Variants in ABCC1 observed in about 807,000 individuals in gnomAD.
ABCC1 encodes ATP binding cassette subfamily C member 1 (ABCC1 blood group), also known as multidrug resistance-associated protein 1.
ABCC1 carries 83 observed loss-of-function variants against 172.9 expected under a neutral mutation model. The ratio of observed to expected loss-of-function variants is 0.48; its 90% CI spans 0.40 to 0.58. The LOEUF (loss-of-function observed/expected upper bound fraction) is 0.58, where lower values mean the gene tolerates loss of function less well. Ranked by LOEUF, ABCC1 falls within the 20% of genes least tolerant of loss-of-function variation. The pLI, the probability that ABCC1 is intolerant of heterozygous loss-of-function variation, is 0.00. For synonymous variants in ABCC1, 937 were observed against 825.2 expected, an observed-to-expected ratio of 1.14 and a Z score of -2.32; for missense variants, 1,817 against 2,002.7, an observed-to-expected ratio of 0.91 and a Z score of 1.77.
chr16:16,000,253 TCTC>T (rs1469384964), intron 1 of ABCC1, among the ~76,000 whole-genome samples: 7 of 151,624 alleles, frequency 4.6e-5, no homozygotes, highest in South Asian at 2.1e-4. Context: ...GCTCAGGTGA[TCTC>T]CTGCTTCAGC....
chr16:16,115,915 T>A (rs1320872717), intron 23 of ABCC1, among the ~76,000 whole-genome samples: 2 of 151,710 alleles, frequency 1.3e-5, no homozygotes, highest in African/African-American at 4.8e-5. Flanking sequence ...TTTTTTTTTT[T>A]AATTTGACAT....
chr16:16,047,605 G>A (rs562596903), intron 9 of ABCC1, among the ~76,000 whole-genome samples: 1 of 152,200 alleles, frequency 6.6e-6, no homozygotes, highest in Non-Finnish European at 1.5e-5. Flanking sequence ...AGTGGGTCGA[G>A]GCCAGGTATT....
At chr16:15,976,838 C>T (rs185743211) in intron 1 of ABCC1, among the ~76,000 whole-genome samples, 6 of 152,258 alleles carry the variant, frequency 3.9e-5, no homozygotes, top group South Asian at 2.1e-4. Flanking sequence ...ATTTGACACA[C>T]GGGAACTGAA....
chr16:15,991,103 G>T (rs1374819341), intron 1 of ABCC1, among the ~76,000 whole-genome samples: 2 of 152,118 alleles, frequency 1.3e-5, no homozygotes, highest in Non-Finnish European at 1.5e-5. Flanking sequence ...ACACGGGAGT[G>T]CAGATATCTC....
chr16:16,020,729 A>G (rs534827222), intron 5 of ABCC1, among the ~76,000 whole-genome samples: 23 of 152,232 alleles, frequency 1.5e-4, no homozygotes, highest in African/African-American at 4.8e-4. Flanking sequence ...CTTTCTTCCT[A>G]TGCAAGGCAA....
chr16:16,079,590 A>G, intron 16 of ABCC1, 112 bp downstream of exon 16: 2 of 1,351,798 alleles, frequency 1.5e-6, no homozygotes, highest in South Asian at 1.5e-5. Flanking sequence ...GAAAGCAGCA[A>G]CGTCTCTTTT....
intron 12 of ABCC1, among the ~76,000 whole-genome samples, chr16:16,066,178 TCTGA>T (rs1254894316): frequency 1.3e-5 from 2 of 150,980 alleles, no homozygotes; most frequent in Non-Finnish European, 3.0e-5. Flanking sequence ...GGTGGCCTTT[TCTGA>T]CTGTTTTCTT....
At chr16:15,952,111 C>A (rs2045887800) in intron 1 of ABCC1, among the ~76,000 whole-genome samples, 1 of 152,204 alleles carries the variant, frequency 6.6e-6, no homozygotes, top group Non-Finnish European at 1.5e-5. Flanking sequence ...TTCCTCATCT[C>A]TAAAATTGGA....
At chr16:16,008,043 G>A (rs757051898) in intron 2 of ABCC1, 51 bp downstream of exon 2, 4 of 1,459,946 alleles carry the variant, frequency 2.7e-6, no homozygotes, top group South Asian at 2.5e-5. Context: ...GCACCTGGAC[G>A]GGGAGTGGTG....
intron 26 of ABCC1, among the ~76,000 whole-genome samples, chr16:16,130,424 G>A (rs2045627702): frequency 1.3e-5 from 2 of 152,176 alleles, no homozygotes; most frequent in South Asian, 4.1e-4. Flanking sequence ...TTATGTTATT[G>A]TTTTCTTGTT....
At chr16:16,045,522 C>T (rs1378843834) in intron 8 of ABCC1, among the ~76,000 whole-genome samples, 1 of 151,988 alleles carries the variant, frequency 6.6e-6, no homozygotes, top group Non-Finnish European at 1.5e-5. Context: ...TCAGGGGCTA[C>T]ACATCCCTTC....
At chr16:16,135,953 C>G (rs2152160101) in intron 28 of ABCC1, among the ~76,000 whole-genome samples, 1 of 151,998 alleles carries the variant, frequency 6.6e-6, no homozygotes, top group East Asian at 1.9e-4. Context: ...ATATTGAAGG[C>G]TCCAGGAAGT....
At chr16:16,100,919 C>G (rs149649482) in intron 19 of ABCC1, among the ~76,000 whole-genome samples, 1 of 152,158 alleles carries the variant, frequency 6.6e-6, no homozygotes, top group Admixed American at 6.5e-5. Context: ...GAGCTCTAAT[C>G]GAGACTCATA....
At chr16:16,108,026 C>A (rs370394349) in intron 21 of ABCC1, among the ~76,000 whole-genome samples, 16 of 152,130 alleles carry the variant, frequency 1.1e-4, no homozygotes, top group Middle Eastern at 3.4e-3. Flanking sequence ...AGAGTCAGGA[C>A]CGTAACAAGG....
chr16:16,006,153 A>G (rs987431212), intron 1 of ABCC1, among the ~76,000 whole-genome samples: 2 of 152,076 alleles, frequency 1.3e-5, no homozygotes, highest in South Asian at 2.1e-4. Flanking sequence ...TGTACTTCTT[A>G]TTTTATCCGA....
chr16:16,022,550 C>T lies in ABCC1; in HGVS notation c.615+5929C>T, dbSNP rs183114931. 3.3e-3 allele frequency among the ~76,000 whole-genome samples: 508 copies of T among 152,150 alleles called. 5 individuals carry two copies. The highest frequency in any genetic ancestry group is 2.2e-3 in the Non-Finnish European group (150 of 67,988). On this transcript the variant is annotated intron_variant, in intron 5 of 30. Transcript: ENST00000399410. ...ACCAGTTGGAATGCTCGACATCCCC[C>T]GGAAGCTTGCTAGAAATGCTGGGTC...
intron 15 of ABCC1, among the ~76,000 whole-genome samples, chr16:16,078,633 CAT>C (rs2050682972): frequency 1.3e-5 from 2 of 152,228 alleles, no homozygotes; most frequent in Admixed American, 1.3e-4. Flanking sequence ...CGGCTCTCCA[CAT>C]GTTTCTGTGT....
At chr16:16,048,770 T>C (rs1357024933) in intron 10 of ABCC1, among the ~76,000 whole-genome samples, 1 of 152,150 alleles carries the variant, frequency 6.6e-6, no homozygotes, top group Non-Finnish European at 1.5e-5. Flanking sequence ...GCAGATCACC[T>C]GAGATCAGGA....
intron 19 of ABCC1, among the ~76,000 whole-genome samples, chr16:16,099,622 T>C (rs1050447424): frequency 6.6e-6 from 1 of 152,204 alleles, no homozygotes; most frequent in African/African-American, 2.4e-5. Flanking sequence ...ACAGGTGAAC[T>C]TGAACTGTCT....
Sources: gnomAD v4.1 joint callset for allele counts (sites outside exome capture counted in the v4.1 genomes callset) on GRCh38, gnomAD v4.1.1 for gene constraint, MANE v1.5 for transcripts, NCBI Gene and HGNC (gene_info 2026-07-23, HGNC 2026-07-21) for gene names.